SORCS1: variants seen among roughly 807,000 people sequenced by gnomAD.
SORCS1 encodes the protein VPS10 domain-containing receptor SorCS1.
A neutral mutation model predicts 146.1 loss-of-function variants in SORCS1; 60 were observed. The observed-to-expected ratio is 0.41, with a 90% CI of 0.33 to 0.51. SORCS1 has a LOEUF of 0.51. Ranked by LOEUF, SORCS1 falls within the 20% of genes least tolerant of loss-of-function variation. SORCS1 has a pLI of 0.21. For missense variants in SORCS1, 1,352 were observed against 1,487.6 expected (o/e 0.91, Z 1.50); for synonymous variants, 637 against 584.0 (o/e 1.09, Z -1.31).
intron 1 of SORCS1, among the ~76,000 whole-genome samples, chr10:106,995,313 CAAA>C (rs369510454): frequency 8.5e-6 from 1 of 118,298 alleles, no homozygotes. Flanking sequence ...GACTCCATCT[CAAA>C]AAAAAAAAAA....
chr10:106,579,701 C>T (rs1335924232), intron 24 of SORCS1, among the ~76,000 whole-genome samples: 1 of 151,996 alleles, frequency 6.6e-6, no homozygotes, highest in Admixed American at 6.6e-5. Context: ...AGCACAGACC[C>T]CAGGGCCAGG....
intron 1 of SORCS1, among the ~76,000 whole-genome samples, chr10:107,076,257 C>A (rs1186484685): frequency 6.6e-6 from 1 of 152,026 alleles, no homozygotes; most frequent in Non-Finnish European, 1.5e-5. Flanking sequence ...GTACTATAGC[C>A]TTCTTGGTGA....
intron 1 of SORCS1, among the ~76,000 whole-genome samples, chr10:106,975,503 T>C (rs1182806651): frequency 6.6e-6 from 1 of 152,212 alleles, no homozygotes; most frequent in Non-Finnish European, 1.5e-5. Flanking sequence ...AAGGAACAAC[T>C]AACTATTGAA....
intron 5 of SORCS1, among the ~76,000 whole-genome samples, chr10:106,761,122 AATAACAAG>A (rs1299427452): frequency 6.6e-6 from 1 of 152,064 alleles, no homozygotes; most frequent in African/African-American, 2.4e-5. Context: ...TAAATAAATA[AATAACAAG>A]GAGAAGGCCT....
intron 14 of SORCS1, among the ~76,000 whole-genome samples, chr10:106,674,328 C>CAAAAAAAAAAAAA (rs10658432): frequency 0.019 from 513 of 27,346 alleles, 195 homozygotes; most frequent in East Asian, 0.021. Context: ...GACTCCGTCT[C>CAAAAAAAAAAAAA]AAAAAAAAAA....
At chr10:106,894,747 AT>A (rs1237013162) in intron 2 of SORCS1, among the ~76,000 whole-genome samples, 1 of 152,202 alleles carries the variant, frequency 6.6e-6, no homozygotes, top group Non-Finnish European at 1.5e-5. Flanking sequence ...AGCTGGTAAA[AT>A]AAAAAAAAGA....
intron 2 of SORCS1, among the ~76,000 whole-genome samples, chr10:106,913,242 G>A (rs575231044): frequency 3.9e-5 from 6 of 152,274 alleles, no homozygotes; most frequent in African/African-American, 1.2e-4. Flanking sequence ...AATTTAGAAA[G>A]TATTTAAAGC....
At chr10:107,108,089 A>G (rs540755794) in intron 1 of SORCS1, among the ~76,000 whole-genome samples, 1 of 151,994 alleles carries the variant, frequency 6.6e-6, no homozygotes, top group Non-Finnish European at 1.5e-5. Flanking sequence ...TGGCACTAAA[A>G]CTCAGCTACA....
At chr10:106,617,994 A>C (rs1198715494) in intron 21 of SORCS1, among the ~76,000 whole-genome samples, 155 bp downstream of exon 21, 1 of 152,144 alleles carries the variant, frequency 6.6e-6, no homozygotes, top group Admixed American at 6.5e-5. Context: ...ATTTCCCTAC[A>C]GGAGAAGATG....
intron 3 of SORCS1, among the ~76,000 whole-genome samples, chr10:106,813,310 T>G (rs985654969): frequency 6.6e-6 from 1 of 151,836 alleles, no homozygotes; most frequent in Non-Finnish European, 1.5e-5. Context: ...TTTTTTGTAT[T>G]TTTAGTAGAG....
intron 8 of SORCS1, among the ~76,000 whole-genome samples, chr10:106,705,620 C>A (rs1221023126): frequency 6.6e-6 from 1 of 152,200 alleles, no homozygotes; most frequent in East Asian, 1.9e-4. Context: ...TGCATAGTCC[C>A]TTTCTTATAG....
At chr10:106,838,951 G>T (rs1477445273) in intron 2 of SORCS1, among the ~76,000 whole-genome samples, 4 of 152,074 alleles carry the variant, frequency 2.6e-5, no homozygotes, top group Non-Finnish European at 5.9e-5. Context: ...ATGTAAGATG[G>T]CAAATTTAAT....
intron 23 of SORCS1, among the ~76,000 whole-genome samples, chr10:106,605,483 C>A (rs969059353): frequency 6.6e-5 from 10 of 152,152 alleles, no homozygotes; most frequent in African/African-American, 2.4e-4. Flanking sequence ...AGATTAAAAT[C>A]TGGATTTCAT....
chr10:106,972,298 T>A (rs1437140002), intron 1 of SORCS1, among the ~76,000 whole-genome samples: 1 of 150,944 alleles, frequency 6.6e-6, no homozygotes, highest in Non-Finnish European at 1.5e-5. Flanking sequence ...GGAGAATCAC[T>A]TGAACCTAGG....
intron 8 of SORCS1, among the ~76,000 whole-genome samples, chr10:106,705,392 C>T (rs1053988516): frequency 1.3e-5 from 2 of 152,052 alleles, no homozygotes; most frequent in Non-Finnish European, 2.9e-5. Flanking sequence ...AATCTGTTAC[C>T]ACTGGCTCTC....
chr10:106,976,338 T>TTTTTTGTTTTTG (rs1554901376), intron 1 of SORCS1, among the ~76,000 whole-genome samples: 12 of 133,766 alleles, frequency 9.0e-5, no homozygotes, highest in Admixed American at 2.8e-4. Flanking sequence ...TTTTTGTTTT[T>TTTTTTGTTTTTG]TTTTTTTTTT....
chr10:106,751,409 A>G (rs1319983230), intron 5 of SORCS1, among the ~76,000 whole-genome samples: 3 of 152,188 alleles, frequency 2.0e-5, no homozygotes, highest in Non-Finnish European at 1.5e-5. Context: ...TCTCAAAGAA[A>G]AGGGCTTTCT....
At chr10:106,925,301 T>G (rs1211123659) in intron 2 of SORCS1, among the ~76,000 whole-genome samples, 1 of 152,122 alleles carries the variant, frequency 6.6e-6, no homozygotes, top group Non-Finnish European at 1.5e-5. Flanking sequence ...GGGCCAGCAC[T>G]CAGGCTGCCC....
At chr10:107,076,496 A>G (rs1962893405) in intron 1 of SORCS1, among the ~76,000 whole-genome samples, 1 of 152,186 alleles carries the variant, frequency 6.6e-6, no homozygotes, top group Admixed American at 6.5e-5. Context: ...ACAATATTTG[A>G]ACAAACTACA....
Sources: allele counts gnomAD v4.1 joint callset (sites outside exome capture counted in the v4.1 genomes callset), GRCh38; gene constraint gnomAD v4.1.1; transcripts MANE v1.5; gene names NCBI Gene and HGNC (gene_info 2026-07-23, HGNC 2026-07-21).